RNFT2: variants seen among roughly 807,000 people sequenced by gnomAD.
RNFT2 encodes ring finger protein, transmembrane 2, also known as E3 ubiquitin-protein ligase RNFT2.
RNFT2 carries 36 observed loss-of-function variants against 53.0 expected under a neutral mutation model. The ratio of observed to expected loss-of-function variants is 0.68; its 90% CI spans 0.52 to 0.90. RNFT2 has a LOEUF of 0.90. RNFT2 is among the 40% of genes least tolerant of loss of function. RNFT2 has a pLI of 0.00. For synonymous variants in RNFT2, 260 were observed against 253.2 expected, an observed-to-expected ratio of 1.03 and a Z score of -0.26; for missense variants, 514 against 585.6, an observed-to-expected ratio of 0.88 and a Z score of 1.26.
At chr12:116,789,475 T>C (rs1874114793) in intron 7 of RNFT2, among the ~76,000 whole-genome samples, 1 of 120,264 alleles carries the variant, frequency 8.3e-6, no homozygotes, top group African/African-American at 3.3e-5. Context: ...GGTGGATGGG[T>C]AAATGGGAGG....
At chr12:116,744,257 ATGAAGGAGTGAGTG>A (rs1032842322) in intron 3 of RNFT2, among the ~76,000 whole-genome samples, 10 of 147,568 alleles carry the variant, frequency 6.8e-5, no homozygotes, top group African/African-American at 2.5e-4. Flanking sequence ...TTGTTTATGG[ATGAAGGAGTGAGTG>A]TGAAGATGCA....
chr12:116,753,278 G>C (rs1208062791), intron 4 of RNFT2, among the ~76,000 whole-genome samples: 1 of 151,310 alleles, frequency 6.6e-6, no homozygotes, highest in Non-Finnish European at 1.5e-5. Flanking sequence ...AGCCTCCTGG[G>C]TAGCTGTGAC....
chr12:116,791,158 T>C (rs1350078615), intron 7 of RNFT2, among the ~76,000 whole-genome samples: 1 of 152,210 alleles, frequency 6.6e-6, no homozygotes, highest in East Asian at 1.9e-4. Flanking sequence ...TCCTGGCAAC[T>C]GCCAATCTGC....
chr12:116,815,578 G>T (rs960026633), intron 7 of RNFT2, among the ~76,000 whole-genome samples: 1 of 152,028 alleles, frequency 6.6e-6, no homozygotes, highest in East Asian at 1.9e-4. Context: ...CCTTCAACCT[G>T]ACCCTCTTGC....
In RNFT2 at chr12:116,753,148, C is replaced by CTTTTTTTTTTTTTTTTTTTT. The variant is rs11377177; in HGVS notation, c.551-835_551-816dup. ...TTTTTTCTTTTTCTTTTTTCTTTTTCTTTTTTTTTTTTTTTTTTTTGAGAC... is the reference window on the plus strand; with the variant it reads ...TTTTTTCTTTTTCTTTTTTCTTTTTCTTTTTTTTTTTTTTTTTTTTTTTTTTTTTTTTTTTTTTTTGAGAC... On this transcript the variant is annotated intron_variant, in intron 4 of 10. Transcript: ENST00000257575. 1.4e-3 allele frequency among the ~76,000 whole-genome samples: 127 copies of CTTTTTTTTTTTTTTTTTTTT among 93,660 alleles called. 1 individual carries two copies. The highest frequency in any genetic ancestry group is 2.0e-3 in the Admixed American group (13 of 6,622). The allele number at this position is 93,660 out of a possible 152,430, so 61.4% of individuals were successfully genotyped here.
At chr12:116,815,928 G>A (rs113145402) in intron 7 of RNFT2, among the ~76,000 whole-genome samples, 7 of 152,254 alleles carry the variant, frequency 4.6e-5, no homozygotes, top group African/African-American at 1.7e-4. Flanking sequence ...AGACCACCAG[G>A]AAAGGAGATG....
At chr12:116,754,310 A>C (rs1438443552) in intron 5 of RNFT2, among the ~76,000 whole-genome samples, 1 of 152,052 alleles carries the variant, frequency 6.6e-6, no homozygotes, top group Non-Finnish European at 1.5e-5. Context: ...ATTCCTTTTT[A>C]TGGCTGTGTA....
intron 7 of RNFT2, among the ~76,000 whole-genome samples, chr12:116,822,426 C>G (rs1330830961): frequency 6.6e-6 from 1 of 152,112 alleles, no homozygotes; most frequent in African/African-American, 2.4e-5. Flanking sequence ...CTACTAGATA[C>G]TGTCAGATCC....
intron 10 of RNFT2, among the ~76,000 whole-genome samples, chr12:116,839,040 G>A (rs752595603): frequency 1.3e-5 from 2 of 152,228 alleles, no homozygotes; most frequent in Non-Finnish European, 1.5e-5. Context: ...GAATGACTTG[G>A]TTGCGATGTT....
At chr12:116,848,992 T>C (rs1369163938) in intron 10 of RNFT2, among the ~76,000 whole-genome samples, 3 of 152,058 alleles carry the variant, frequency 2.0e-5, no homozygotes, top group African/African-American at 7.2e-5. Context: ...CTAATTTTTG[T>C]ATTTTTTAGT....
At chr12:116,801,460 A>C (rs1346564483) in intron 7 of RNFT2, 1 of 152,206 alleles carries the variant, frequency 6.6e-6, no homozygotes, top group Non-Finnish European at 1.5e-5. Flanking sequence ...AATTAAACCT[A>C]GATTGAAGTT....
chr12:116,791,527 C>A (rs1329641168), intron 7 of RNFT2, among the ~76,000 whole-genome samples: 1 of 152,206 alleles, frequency 6.6e-6, no homozygotes, highest in African/African-American at 2.4e-5. Context: ...CCAGCCTGGT[C>A]TGAGACTCCT....
chr12:116,780,042 A>G lies in RNFT2; in HGVS notation c.882+694A>G, dbSNP rs1873619296. ...GAGTGTTTGAAGTCTCCTGCTTTCCATTCTGTAAAAACAGCCATCTTTCAA... is the reference window on the plus strand; with the variant it reads ...GAGTGTTTGAAGTCTCCTGCTTTCCGTTCTGTAAAAACAGCCATCTTTCAA... On this transcript the variant is annotated intron_variant, in intron 7 of 10. Transcript: ENST00000257575. Among the ~76,000 whole-genome samples, 2 of 152,138 alleles carry G rather than the reference A, an allele frequency of 1.3e-5. 1 individual carries two copies. Among genetic ancestry groups the G allele is most frequent in the South Asian group, 4.1e-4 (2 of 4,820 alleles).
At chr12:116,752,690 C>T (rs919130999) in intron 4 of RNFT2, among the ~76,000 whole-genome samples, 1 of 152,104 alleles carries the variant, frequency 6.6e-6, no homozygotes, top group Non-Finnish European at 1.5e-5. Context: ...CCAGCCTGGC[C>T]AACATGGTGA....
At chr12:116,761,239 C>T (rs142108226) in intron 5 of RNFT2, among the ~76,000 whole-genome samples, 1 of 152,326 alleles carries the variant, frequency 6.6e-6, no homozygotes, top group East Asian at 1.9e-4. Flanking sequence ...ACCTCTGCCT[C>T]CCAGGTTCAA....
At position 116,852,559 on chromosome 12, in the gene RNFT2, G is replaced by A; in HGVS notation, c.*3111G>A. 1 of 1,607,500 alleles carries A rather than the reference G, an allele frequency of 6.2e-7. No homozygotes were observed. The highest frequency in any genetic ancestry group is 1.3e-5 in the African/African-American group (1 of 74,898). ...GAAATGGGGCCATGTGAATGCAGCT[G>A]CTCTGTTCTCCCTACCCTGAGGAAA... On this transcript the variant is annotated 3_prime_UTR_variant, in exon 11 of 11. Coordinates refer to ENST00000257575, the MANE Select transcript of RNFT2 (RefSeq NM_001382266.1).
At position 116,766,894 on chromosome 12, in the gene RNFT2, C is replaced by A; in HGVS notation, c.708C>A (p.Ser236Arg). Residue 236 changes from serine (S) to arginine (R), a missense_variant, in exon 6 of 11, where the codon AGC becomes AGA. Ser to Arg is a moderately radical substitution (Grantham distance 110). Coordinates refer to ENST00000257575, the MANE Select transcript of RNFT2 (RefSeq NM_001382266.1). ...GNTLYVLYTF[S>R]SQQLYNSLIF... is the part of the protein sequence containing the mutation. ...CCCTCTATGTGCTTTATACATTCAG[C>A]TCCCAGCAGCTGTACAACAGGTGAG... 1 of 1,585,992 alleles carries A rather than the reference C, an allele frequency of 6.3e-7. No homozygotes were observed. The highest frequency in any genetic ancestry group is 8.6e-7 in the Non-Finnish European group (1 of 1,165,340).
chr12:116,777,200 G>A (rs1235290825), intron 6 of RNFT2, among the ~76,000 whole-genome samples: 1 of 152,060 alleles, frequency 6.6e-6, no homozygotes, highest in Non-Finnish European at 1.5e-5. Flanking sequence ...TTACAGTCGT[G>A]AGCCACCGTG....
chr12:116,789,402 T>C (rs1470853929), intron 7 of RNFT2, among the ~76,000 whole-genome samples: 1 of 134,706 alleles, frequency 7.4e-6, no homozygotes, highest in Non-Finnish European at 1.6e-5. Flanking sequence ...GATGAGTGGA[T>C]GAGTAAATGG....
Sources: gnomAD v4.1 joint callset for allele counts (sites outside exome capture counted in the v4.1 genomes callset) on GRCh38, gnomAD v4.1.1 for gene constraint, MANE v1.5 for transcripts, NCBI Gene and HGNC (gene_info 2026-07-23, HGNC 2026-07-21) for gene names.